Variants in THADA observed in about 807,000 individuals in gnomAD.
THADA encodes the protein tRNA (32-2'-O)-methyltransferase regulator THADA.
THADA carries 213 observed loss-of-function variants against 219.8 expected under a neutral mutation model. The ratio of observed to expected loss-of-function variants is 0.97; its 90% CI spans 0.87 to 1.09. THADA has a LOEUF of 1.09. Ranked by LOEUF, THADA falls within the 50% of genes least tolerant of loss-of-function variation. The pLI, the probability that THADA is intolerant of heterozygous loss-of-function variation, is 0.00. For synonymous variants in THADA, 1,018 were observed against 828.9 expected, an observed-to-expected ratio of 1.23 and a Z score of -3.92; for missense variants, 2,956 against 2,311.3, an observed-to-expected ratio of 1.28 and a Z score of -5.72.
At chr2:43,518,915 T>C (rs1558899121) in intron 22 of THADA, among the ~76,000 whole-genome samples, 1 of 152,110 alleles carries the variant, frequency 6.6e-6, no homozygotes. Context: ...TGGACCCCTC[T>C]GCTAATCTCC....
At chr2:43,503,916 T>A (rs1003174519) in intron 24 of THADA, among the ~76,000 whole-genome samples, 2 of 152,132 alleles carry the variant, frequency 1.3e-5, no homozygotes, top group East Asian at 1.9e-4. Context: ...AGGTAGAGCA[T>A]CCCAAATCCA....
At chr2:43,500,778 C>T (rs1183734444) in intron 24 of THADA, among the ~76,000 whole-genome samples, 1 of 152,082 alleles carries the variant, frequency 6.6e-6, no homozygotes, top group Non-Finnish European at 1.5e-5. Flanking sequence ...TTAAAACAAA[C>T]TTAGCATTAT....
intron 9 of THADA, among the ~76,000 whole-genome samples, chr2:43,577,526 G>T (rs112627261): frequency 0.028 from 4,283 of 150,402 alleles, 203 homozygotes; most frequent in African/African-American, 0.098. Context: ...TTTTTGGTAT[G>T]TATTTTTTTT....
chr2:43,549,071 C>G, intron 20 of THADA, 139 bp downstream of exon 20: 1 of 849,748 alleles, frequency 1.2e-6, no homozygotes, highest in Non-Finnish European at 1.7e-6. Context: ...TTTCCCAAAA[C>G]AAAATTTTTA....
chr2:43,427,902 G>A (rs2104811674), intron 28 of THADA, among the ~76,000 whole-genome samples, 198 bp downstream of exon 28: 1 of 149,634 alleles, frequency 6.7e-6, no homozygotes, highest in East Asian at 1.9e-4. Flanking sequence ...CTTGCAGTGA[G>A]CCGAGATCGC....
At position 43,585,821 on chromosome 2, in the gene THADA, A is replaced by G. The variant is rs1700962999; in HGVS notation, c.533+580T>C. Among the ~76,000 whole-genome samples the G allele has an allele frequency of 2.0e-5, 3 of 152,126 alleles. No homozygotes were observed. In the South Asian group the frequency reaches 6.2e-4, roughly 31 times the overall value. Reference sequence around the variant, plus strand: ...AAAGGAACACACTCAGGTGAGGAAAAGAGTTCTTTCACTTATTCTCATAAC... The same window carrying G: ...AAAGGAACACACTCAGGTGAGGAAAGGAGTTCTTTCACTTATTCTCATAAC... On this transcript the variant is annotated intron_variant, in intron 7 of 37. Transcript: ENST00000405975.
intron 31 of THADA, among the ~76,000 whole-genome samples, chr2:43,308,312 C>T (rs554540465): frequency 5.3e-5 from 8 of 152,030 alleles, no homozygotes; most frequent in South Asian, 4.2e-4. Flanking sequence ...TGAGCATCAG[C>T]GACATATGGG....
intron 24 of THADA, among the ~76,000 whole-genome samples, chr2:43,501,423 G>A (rs561705492): frequency 1.7e-4 from 26 of 150,792 alleles, no homozygotes; most frequent in African/African-American, 6.3e-4. Context: ...CCATGCTCAT[G>A]GAAGATTCAA....
intron 26 of THADA, among the ~76,000 whole-genome samples, chr2:43,439,937 C>T (rs952883390): frequency 2.1e-4 from 32 of 152,164 alleles, no homozygotes; most frequent in African/African-American, 7.2e-4. Flanking sequence ...AAAAGAAATC[C>T]TTACTCCTTT....
Position 43,417,866 on chromosome 2 carries a change from C to A in THADA, c.4058+10234G>T, listed in dbSNP as rs185182581. 4.4e-3 allele frequency among the ~76,000 whole-genome samples: 671 copies of A among 152,288 alleles called. 3 individuals carry two copies. The highest frequency in any genetic ancestry group is 6.7e-3 in the Non-Finnish European group (458 of 68,024). Reference sequence around the variant, plus strand: ...AGTTCCTACTGCCCAACATTCCCCCCCTCTGTGGAATGGGATAGTAACGAC... The same window carrying A: ...AGTTCCTACTGCCCAACATTCCCCCACTCTGTGGAATGGGATAGTAACGAC... On this transcript the variant is annotated intron_variant, in intron 28 of 37. Coordinates refer to ENST00000405975, the MANE Select transcript of THADA (RefSeq NM_022065.5).
Position 43,266,726 on chromosome 2 carries a change from T to G in THADA, c.5296+13039A>C, listed in dbSNP as rs1671565927. On this transcript the variant is annotated intron_variant, in intron 36 of 37. Transcript: ENST00000405975. ...AATGAGCAATGTAAGAGCTAAACAG[T>G]GTGGGTCTGACTCAAGGAGAGACAC... is the stretch of plus-strand genomic sequence containing the variant. Among the ~76,000 whole-genome samples the G allele has an allele frequency of 2.0e-5, 3 of 151,932 alleles. No individual in the cohort carries two copies. In the South Asian group the frequency reaches 6.2e-4, roughly 32 times the overall value.
At chr2:43,594,581 T>A (rs1010193403) in intron 1 of THADA, among the ~76,000 whole-genome samples, 1 of 124,136 alleles carries the variant, frequency 8.1e-6, no homozygotes, top group South Asian at 2.7e-4. Context: ...CGAAACTCCA[T>A]CTCAAATAAA....
intron 26 of THADA, among the ~76,000 whole-genome samples, chr2:43,484,119 G>C (rs146503304): frequency 3.9e-5 from 6 of 152,092 alleles, no homozygotes; most frequent in African/African-American, 1.4e-4. Context: ...AAAGCTCTCT[G>C]GTATTGCCTG....
intron 28 of THADA, among the ~76,000 whole-genome samples, chr2:43,421,635 C>T (rs537780115): frequency 6.6e-6 from 1 of 152,104 alleles, no homozygotes; most frequent in Non-Finnish European, 1.5e-5. Context: ...TGTTCTTTTG[C>T]TTGTCAGAAA....
intron 26 of THADA, among the ~76,000 whole-genome samples, chr2:43,449,470 T>C (rs1261051760): frequency 6.6e-6 from 1 of 151,806 alleles, no homozygotes; most frequent in African/African-American, 2.4e-5. Flanking sequence ...TCCAAGAAGC[T>C]CAATAAACTC....
chr2:43,282,478 A>G (rs7599564), intron 35 of THADA, among the ~76,000 whole-genome samples: 87,713 of 152,090 alleles, frequency 0.58, 25,824 homozygotes, highest in Middle Eastern at 0.73. Flanking sequence ...CCTTTATTCT[A>G]TAAATCCTTT....
intron 26 of THADA, among the ~76,000 whole-genome samples, chr2:43,433,201 A>AT (rs1573622418): frequency 6.6e-6 from 1 of 150,920 alleles, no homozygotes; most frequent in Non-Finnish European, 1.5e-5. Flanking sequence ...TAATCGGGAG[A>AT]TTTTTTTTGG....
In THADA at chr2:43,572,846, T is replaced by C. The variant is rs1163128938; in HGVS notation, c.1876A>G (p.Ile626Val). 1 of 1,613,908 alleles carries C rather than the reference T, an allele frequency of 6.2e-7. No individual in the cohort carries two copies. The highest frequency in any genetic ancestry group is 1.7e-5 in the Admixed American group (1 of 59,994). Residue 626 changes from isoleucine to valine, a missense_variant, in exon 12 of 38, where the codon ATA (isoleucine) becomes GTA (valine). Physicochemically the swap from Ile to Val is conservative, Grantham distance 29. Transcript: ENST00000405975. ...TGCTGATGAATTAAGCCTTGCTTTA[T>C]TCTTGCATCAGACACGAGGTTCTCC... ...TWENLVSDAR[I>V]KQGLIHQHCQ...
chr2:43,255,373 A>G (rs1311950389), intron 36 of THADA, among the ~76,000 whole-genome samples: 1 of 152,218 alleles, frequency 6.6e-6, no homozygotes, highest in African/African-American at 2.4e-5. Context: ...TCTCCAAACC[A>G]TAATTATTAA....
Sources: allele counts gnomAD v4.1 joint callset (sites outside exome capture counted in the v4.1 genomes callset), GRCh38; gene constraint gnomAD v4.1.1; transcripts MANE v1.5; gene names NCBI Gene and HGNC (gene_info 2026-07-23, HGNC 2026-07-21).